Variants in MGST1 observed in about 807,000 individuals in gnomAD.
MGST1 encodes the protein glutathione S-transferase 12.
Under a neutral mutation model 8.9 loss-of-function variants are expected in MGST1, and 5 were observed. The observed-to-expected ratio is 0.56, with a 90% CI of 0.29 to 1.19. The LOEUF (loss-of-function observed/expected upper bound fraction) is 1.19, where lower values mean the gene tolerates loss of function less well. Among genes scored for constraint, MGST1 ranks in the 50% most tolerant of loss-of-function variants. MGST1 has a pLI of 0.08. For synonymous variants in MGST1, 54 were observed against 67.8 expected (o/e 0.80, Z 1.00); for missense variants, 182 against 187.4 (o/e 0.97, Z 0.17).
intron 4 of MGST1, among the ~76,000 whole-genome samples, chr12:16,490,679 C>T (rs756094261): frequency 6.6e-5 from 10 of 152,080 alleles, no homozygotes; most frequent in Non-Finnish European, 1.5e-4. Flanking sequence ...GCTGGTATAA[C>T]TATCCTATCT....
rs1941517359 is a variant in MGST1, at chr12:16,503,219, G to T, written n.483-86309G>T. 6.7e-6 allele frequency among the ~76,000 whole-genome samples: 1 copy of T among 149,984 alleles called. No homozygotes were observed. Among genetic ancestry groups the T allele is most frequent in the African/African-American group, 2.5e-5 (1 of 40,666 alleles). On this transcript the variant is annotated intron_variant and non_coding_transcript_variant, in intron 4 of 4. Transcript: ENST00000538857. The surrounding 1 kb of genome is among the most constrained non-coding windows in gnomAD (Gnocchi z 4.8). ...TTATTGTTATTCCCCACAATAGTTT[G>T]GGTTGGACAGGCAATGTAAATATGG...
At chr12:16,426,133 AT>A (rs1178714592) in intron 1 of MGST1, among the ~76,000 whole-genome samples, 1 of 152,152 alleles carries the variant, frequency 6.6e-6, no homozygotes, top group African/African-American at 2.4e-5. Flanking sequence ...GCTCAACAAA[AT>A]GTCTCATTGC....
chr12:16,560,838 T>G lies in MGST1; in HGVS notation n.483-28690T>G. On this transcript the variant is annotated intron_variant and non_coding_transcript_variant, in intron 4 of 4. Coordinates refer to the MGST1 transcript ENST00000538857. This position sits in a 1 kb window ranked among gnomAD's most constrained non-coding sequence, Gnocchi z 5.0. ...GGGGTGAATTCATAGCAAAAATCTC[T>G]GGGTTAGAGTATATAGAAAATATAA... 1 of 400,884 alleles carries G rather than the reference T, an allele frequency of 2.5e-6. No individual in the cohort carries two copies. 24.8% of individuals were successfully genotyped at this position (400,884 alleles called of 1,614,324 possible).
chr12:16,435,754 G>T (rs1940979740), intron 1 of MGST1, among the ~76,000 whole-genome samples: 2 of 151,762 alleles, frequency 1.3e-5, no homozygotes, highest in Admixed American at 6.6e-5. Context: ...AAACAACACA[G>T]GCTCAAGTGT....
chr12:16,572,439 A>C (rs1762340824), intron 4 of MGST1, among the ~76,000 whole-genome samples: 1 of 148,948 alleles, frequency 6.7e-6, no homozygotes, highest in Non-Finnish European at 1.5e-5. Flanking sequence ...TAAAAAAAAA[A>C]CAGAGCTACT....
At chr12:16,416,015 T>C (rs1940784616) in intron 1 of MGST1, among the ~76,000 whole-genome samples, 1 of 152,218 alleles carries the variant, frequency 6.6e-6, no homozygotes, top group Admixed American at 6.5e-5. Context: ...ATACATTTAG[T>C]AGTCCTTTTC....
intron 4 of MGST1, among the ~76,000 whole-genome samples, chr12:16,536,587 C>T (rs140552494): frequency 2.2e-3 from 342 of 152,244 alleles, no homozygotes; most frequent in Non-Finnish European, 3.4e-3. Context: ...CTGCTGATAA[C>T]GACATACCCA....
chr12:16,543,906 CTG>C (rs1469754819), intron 4 of MGST1, among the ~76,000 whole-genome samples: 4 of 151,938 alleles, frequency 2.6e-5, no homozygotes, highest in Non-Finnish European at 5.9e-5. Context: ...TTAATTAAGA[CTG>C]GGGATAAATT....
chr12:16,559,941 C>T lies in MGST1; in HGVS notation n.483-29587C>T, dbSNP rs1285135952. ...TGCCACTGCGCTCTAGGCTGGGTGA[C>T]AGAACCAGACCTTGTATTTAAAAAA... On this transcript the variant is annotated intron_variant and non_coding_transcript_variant, in intron 4 of 4. Transcript: ENST00000538857. The surrounding 1 kb of genome is among the most constrained non-coding windows in gnomAD (Gnocchi z 4.1). Among the ~76,000 whole-genome samples the T allele has an allele frequency of 6.6e-6, 1 of 151,918 alleles. No homozygotes were observed. Among genetic ancestry groups the T allele is most frequent in the Non-Finnish European group, 1.5e-5 (1 of 67,986 alleles).
chr12:16,365,136 T>G (rs1940161883), downstream of MGST1, among the ~76,000 whole-genome samples: 1 of 152,158 alleles, frequency 6.6e-6, no homozygotes, highest in African/African-American at 2.4e-5. Context: ...CTTTTATTTT[T>G]ATAATCATAT....
chr12:16,399,438 C>G, intron 1 of MGST1: 3 of 1,541,144 alleles, frequency 1.9e-6, no homozygotes, highest in Non-Finnish European at 1.8e-6. Flanking sequence ...GTCCGCTTTT[C>G]GGGCTTCTTC....
chr12:16,454,949 A>G (rs2137117486), intron 4 of MGST1, among the ~76,000 whole-genome samples: 1 of 150,992 alleles, frequency 6.6e-6, no homozygotes, highest in South Asian at 2.1e-4. Flanking sequence ...ACAGTGTCAG[A>G]TATCTCACAT....
At chr12:16,455,862 C>A (rs1034627604) in intron 4 of MGST1, among the ~76,000 whole-genome samples, 1 of 151,642 alleles carries the variant, frequency 6.6e-6, no homozygotes, top group Non-Finnish European at 1.5e-5. Flanking sequence ...TAGTGTATAA[C>A]CATAAAATTT....
At chr12:16,465,677 C>T (rs1941248903) in intron 4 of MGST1, among the ~76,000 whole-genome samples, 1 of 152,180 alleles carries the variant, frequency 6.6e-6, no homozygotes. Context: ...ACTGATTCTA[C>T]ATTATGGCGA....
In MGST1 at chr12:16,586,779, C is replaced by T. The variant is rs1265180489; in HGVS notation, n.483-2749C>T. ...CTCCTGTGGCTCAGATTATTTATTG[C>T]ATTACTTTTGTAACCTTTCTCCCAA... On this transcript the variant is annotated intron_variant and non_coding_transcript_variant, in intron 4 of 4. Coordinates refer to the MGST1 transcript ENST00000538857. This position sits in a 1 kb window ranked among gnomAD's most constrained non-coding sequence, Gnocchi z 4.3. Among the ~76,000 whole-genome samples the T allele has an allele frequency of 6.6e-6, 1 of 152,172 alleles. No individual in the cohort carries two copies. Among genetic ancestry groups the T allele is most frequent in the African/African-American group, 2.4e-5 (1 of 41,452 alleles).
chr12:16,478,195 A>G (rs1261011669), intron 4 of MGST1, among the ~76,000 whole-genome samples: 3 of 151,988 alleles, frequency 2.0e-5, no homozygotes, highest in South Asian at 2.1e-4. Context: ...ACGCCCAGCT[A>G]ATTTTTGTAT....
At chr12:16,386,012 G>C (rs927964282) in intron 1 of MGST1, among the ~76,000 whole-genome samples, 3 of 152,080 alleles carry the variant, frequency 2.0e-5, no homozygotes, top group African/African-American at 7.2e-5. Flanking sequence ...TGCTTCATTT[G>C]GTCTTTCAGT....
At chr12:16,365,000 G>A (rs1940158350), downstream of MGST1, among the ~76,000 whole-genome samples, 1 of 151,982 alleles carries the variant, frequency 6.6e-6, no homozygotes, top group African/African-American at 2.4e-5. The surrounding 1 kb of genome is among the most constrained non-coding windows in gnomAD (Gnocchi z 5.7). Context: ...CAGTTTTGGT[G>A]GTGTGTCCTT....
At position 16,410,648 on chromosome 12, in the gene MGST1, TTA is replaced by T. The variant is rs1940734613; in HGVS notation, n.779-26733_779-26732del. Among the ~76,000 whole-genome samples, 3 of 147,654 alleles carry T rather than the reference TTA, an allele frequency of 2.0e-5. No homozygotes were observed. Among genetic ancestry groups the T allele is most frequent in the Non-Finnish European group, 4.5e-5 (3 of 67,200 alleles). On this transcript the variant is annotated intron_variant and non_coding_transcript_variant, in intron 1 of 1. Transcript: ENST00000359720. The surrounding 1 kb of genome is among the most constrained non-coding windows in gnomAD (Gnocchi z 4.4). ...AATATATGTATATGTAATACATATATTATATATAAACATACATAATCAAATAT... is the reference window on the plus strand; with the variant it reads ...AATATATGTATATGTAATACATATATTATATAAACATACATAATCAAATAT...
Sources: gnomAD v4.1 joint callset for allele counts (sites outside exome capture counted in the v4.1 genomes callset) on GRCh38, gnomAD v4.1.1 for gene constraint, Gnocchi (gnomAD v3.1) non-coding constraint, MANE v1.5 for transcripts, NCBI Gene and HGNC (gene_info 2026-07-23, HGNC 2026-07-21) for gene names.